The following ABL2 variants were observed in gnomAD, a reference collection of about 807,000 sequenced individuals.
ABL2 encodes the protein ABL proto-oncogene 2, non-receptor tyrosine kinase.
In ABL2, 49 loss-of-function variants were observed where a neutral mutation model predicts 107.7. The observed-to-expected ratio is 0.45, with a 90% CI of 0.36 to 0.58. ABL2 has a LOEUF of 0.58. Ranked by LOEUF, ABL2 falls within the 20% of genes least tolerant of loss-of-function variation. The pLI, the probability that ABL2 is intolerant of heterozygous loss-of-function variation, is 0.00. For synonymous variants in ABL2, 549 were observed against 548.6 expected, an observed-to-expected ratio of 1.00 and a Z score of -0.01; for missense variants, 1,245 against 1,457.0, an observed-to-expected ratio of 0.85 and a Z score of 2.37.
chr1:179,159,447 G>A (rs904127922), intron 1 of ABL2, among the ~76,000 whole-genome samples: 1 of 152,188 alleles, frequency 6.6e-6, no homozygotes, highest in Admixed American at 6.5e-5. Flanking sequence ...ATCGGCAACA[G>A]CTGTTTATGA....
chr1:179,193,420 T>C (rs1661129218), intron 1 of ABL2, among the ~76,000 whole-genome samples: 1 of 152,182 alleles, frequency 6.6e-6, no homozygotes, highest in African/African-American at 2.4e-5. Context: ...TGTTTCTTTT[T>C]TGAGACAGAG....
At chr1:179,188,970 A>C (rs1660846475) in intron 1 of ABL2, among the ~76,000 whole-genome samples, 1 of 152,236 alleles carries the variant, frequency 6.6e-6, no homozygotes, top group South Asian at 2.1e-4. Flanking sequence ...TATATTAACG[A>C]GTTAATTTTT....
chr1:179,130,725 T>TG (rs1162766691), intron 3 of ABL2, among the ~76,000 whole-genome samples: 6 of 129,488 alleles, frequency 4.6e-5, no homozygotes, highest in East Asian at 4.2e-4. Flanking sequence ...CATTATTGAT[T>TG]TTGTGTGTGT....
chr1:179,163,741 C>T (rs926343561), intron 1 of ABL2, among the ~76,000 whole-genome samples: 1 of 151,678 alleles, frequency 6.6e-6, no homozygotes, highest in African/African-American at 2.4e-5. Context: ...AGTGAGACTC[C>T]GTCTCAAAAA....
chr1:179,121,915 ATTTTTTTTTTTT>A (rs71108094), intron 4 of ABL2, 48 bp from the exon 5 acceptor site: 42 of 694,346 alleles, frequency 6.0e-5, no homozygotes, highest in African/African-American at 2.5e-4. Flanking sequence ...GAGATTAAGA[ATTTTTTTTTTTT>A]TTTTTTTTTT....
intron 1 of ABL2, among the ~76,000 whole-genome samples, chr1:179,163,500 A>C (rs1659199562): frequency 6.6e-6 from 1 of 152,188 alleles, no homozygotes; most frequent in African/African-American, 2.4e-5. Flanking sequence ...TAACCCCAGC[A>C]CTTTGGGAGG....
intron 1 of ABL2, among the ~76,000 whole-genome samples, chr1:179,162,428 T>C (rs1659122770): frequency 6.6e-6 from 1 of 151,798 alleles, no homozygotes; most frequent in African/African-American, 2.4e-5. Flanking sequence ...CTACTAAAAA[T>C]ACAAAAATTA....
chr1:179,178,481 T>TTAGTA (rs1414058092), intron 1 of ABL2, among the ~76,000 whole-genome samples: 9 of 151,678 alleles, frequency 5.9e-5, no homozygotes, highest in African/African-American at 2.2e-4. Context: ...CAAGGCATTT[T>TTAGTA]TAGTAAGCTT....
At chr1:179,178,400 T>TAAAAAAAAAAAAAAAAAA (rs1437261927) in intron 1 of ABL2, among the ~76,000 whole-genome samples, 1 of 36,128 alleles carries the variant, frequency 2.8e-5, no homozygotes, top group African/African-American at 9.2e-5. Flanking sequence ...AGACTCTGCC[T>TAAAAAAAAAAAAAAAAAA]CAAAAAAAAA....
chr1:179,223,286 C>A (rs1037639012), intron 1 of ABL2, among the ~76,000 whole-genome samples: 1 of 151,526 alleles, frequency 6.6e-6, no homozygotes, highest in Non-Finnish European at 1.5e-5. Flanking sequence ...CATGGTAGCA[C>A]GCACCTATAG....
At chr1:179,215,877 T>G (rs1662536331) in intron 1 of ABL2, among the ~76,000 whole-genome samples, 1 of 152,214 alleles carries the variant, frequency 6.6e-6, no homozygotes, top group Admixed American at 6.5e-5. Context: ...AACAAAATGC[T>G]AAGTGGTAAT....
At chr1:179,136,070 G>A (rs560792109) in intron 1 of ABL2, among the ~76,000 whole-genome samples, 2,024 of 143,506 alleles carry the variant, frequency 0.014, 35 homozygotes, top group African/African-American at 0.048. Context: ...CAGCCGCCCC[G>A]TCCAGGAGGG....
At position 179,110,876 on chromosome 1, in the gene ABL2, G is replaced by A. The variant is rs371265441; in HGVS notation, c.1652-421C>T. On this transcript the variant is annotated intron_variant, in intron 10 of 11. Coordinates refer to ENST00000502732, the MANE Select transcript of ABL2 (RefSeq NM_007314.4). Reference sequence around the variant, plus strand: ...GGATCACAGGGTATACGTGTATTCAGGTTTATTAGGCCCTGCCAACCTGTC... The same window carrying A: ...GGATCACAGGGTATACGTGTATTCAAGTTTATTAGGCCCTGCCAACCTGTC... 9.9e-6 allele frequency: 16 copies of A among 1,613,328 alleles called. No individual in the cohort carries two copies. In the Middle Eastern group the frequency reaches 6.6e-4, roughly 66 times the overall value.
At chr1:179,134,896 G>A (rs894044435) in intron 1 of ABL2, among the ~76,000 whole-genome samples, 3 of 152,232 alleles carry the variant, frequency 2.0e-5, no homozygotes, top group African/African-American at 7.2e-5. Flanking sequence ...CGCCTGACTG[G>A]TTTTCGTATT....
intron 1 of ABL2, among the ~76,000 whole-genome samples, chr1:179,223,781 T>C (rs1378450630): frequency 2.0e-5 from 3 of 152,050 alleles, no homozygotes; most frequent in Admixed American, 6.6e-5. Context: ...GTGCTTTCCA[T>C]AGCATCGTTT....
At chr1:179,192,075 T>C (rs1485597825) in intron 1 of ABL2, among the ~76,000 whole-genome samples, 1 of 152,208 alleles carries the variant, frequency 6.6e-6, no homozygotes, top group African/African-American at 2.4e-5. Context: ...AGTCAAAATA[T>C]AACAAAATAT....
chr1:179,138,636 C>T (rs992760118), intron 1 of ABL2, among the ~76,000 whole-genome samples: 6 of 152,212 alleles, frequency 3.9e-5, no homozygotes, highest in Admixed American at 1.3e-4. Flanking sequence ...AGGCCAAAAA[C>T]CATGGAATCC....
rs906230676 is a variant in ABL2 at position 179,099,598 on chromosome 1, T to C, written c.*8120A>G. Reference sequence around the variant, plus strand: ...GTGTTTTTAGTTAAATCCCACATTGTCTCACTATGTCCCCTTAGCAATGCA... The same window carrying C: ...GTGTTTTTAGTTAAATCCCACATTGCCTCACTATGTCCCCTTAGCAATGCA... On this transcript the variant is annotated 3_prime_UTR_variant, in exon 12 of 12. Transcript: ENST00000502732. 4.3e-6 allele frequency: 1 copy of C among 230,328 alleles called. No individual in the cohort carries two copies. The highest frequency in any genetic ancestry group is 2.2e-5 in the African/African-American group (1 of 45,200). 14.3% of individuals were successfully genotyped at this position (230,328 alleles called of 1,614,324 possible).
At chr1:179,159,784 T>C (rs936703758) in intron 1 of ABL2, among the ~76,000 whole-genome samples, 3 of 152,244 alleles carry the variant, frequency 2.0e-5, no homozygotes, top group Non-Finnish European at 4.4e-5. Context: ...AATACTTGTA[T>C]AATGCTTATA....
Sources: gnomAD v4.1 joint callset for allele counts (sites outside exome capture counted in the v4.1 genomes callset) on GRCh38, gnomAD v4.1.1 for gene constraint, MANE v1.5 for transcripts, NCBI Gene and HGNC (gene_info 2026-07-23, HGNC 2026-07-21) for gene names.